The following SPAG9 variants were observed in gnomAD, a reference collection of about 807,000 sequenced individuals.
SPAG9 encodes the protein C-Jun-amino-terminal kinase-interacting protein 4.
A neutral mutation model predicts 166.5 loss-of-function variants in SPAG9; 35 were observed. The observed-to-expected ratio is 0.21, with a 90% CI of 0.16 to 0.28. SPAG9 has a LOEUF of 0.28. Among genes scored for constraint, SPAG9 ranks in the 10% least tolerant of loss-of-function variants. SPAG9 has a pLI of 1.00. For synonymous variants in SPAG9, 534 were observed against 565.5 expected (o/e 0.94, Z 0.79); for missense variants, 1,235 against 1,603.3 (o/e 0.77, Z 3.92).
Position 51,079,527 on chromosome 17 carries a change from C to G in SPAG9, c.424+57G>C, listed in dbSNP as rs2048106048. On this transcript the variant is annotated intron_variant, in intron 2 of 29. Coordinates refer to ENST00000262013, the MANE Select transcript of SPAG9 (RefSeq NM_001130528.3). Reference sequence around the variant, plus strand: ...GTGCTGGGATTACAGGCGTGAGCCACCACGTCTGGCCAAGCCCAATCTTTA... The same window carrying G: ...GTGCTGGGATTACAGGCGTGAGCCAGCACGTCTGGCCAAGCCCAATCTTTA... 3 of 1,567,322 alleles carry G rather than the reference C, an allele frequency of 1.9e-6. No individual in the cohort carries two copies. The South Asian group carries it at 3.5e-5, about 18-fold the overall frequency.
At chr17:50,982,793 CTAAGTA>C in intron 24 of SPAG9, 121 bp from the exon 25 acceptor site, 1 of 850,270 alleles carries the variant, frequency 1.2e-6, no homozygotes, top group South Asian at 2.0e-5. Flanking sequence ...GTACCATGTA[CTAAGTA>C]TATCTTTTAT....
chr17:51,049,889 C>T (rs186415928), intron 3 of SPAG9, among the ~76,000 whole-genome samples: 2 of 152,216 alleles, frequency 1.3e-5, no homozygotes, highest in East Asian at 1.9e-4. Flanking sequence ...TGAGCCACGG[C>T]GCCCAGCCGT....
At chr17:51,013,221 C>T (rs2045564377) in intron 9 of SPAG9, among the ~76,000 whole-genome samples, 1 of 152,136 alleles carries the variant, frequency 6.6e-6, no homozygotes, top group African/African-American at 2.4e-5. Context: ...CCAATAGATA[C>T]AAATTTTTTT....
Position 50,999,725 on chromosome 17 carries a change from C to A in SPAG9, c.1608-8G>T, listed in dbSNP as rs778492228. ...GGATTTTCTCGTGATGCCCTACATT[C>A]AAAAAGAAAAGAAAAGAAACATTTA... On this transcript the variant is annotated splice_polypyrimidine_tract_variant and splice_region_variant and intron_variant, in intron 13 of 29. Coordinates refer to ENST00000262013, the MANE Select transcript of SPAG9 (RefSeq NM_001130528.3). The A allele has an allele frequency of 6.2e-7, 1 of 1,610,004 alleles. No individual in the cohort carries two copies. Among genetic ancestry groups the A allele is most frequent in the Admixed American group, 1.7e-5 (1 of 59,638 alleles).
At chr17:51,096,752 C>A in intron 1 of SPAG9, among the ~76,000 whole-genome samples, 1 of 151,844 alleles carries the variant, frequency 6.6e-6, no homozygotes, top group East Asian at 1.9e-4. Flanking sequence ...ATGGACAGAT[C>A]AACAGGTAAA....
chr17:50,979,576 A>T (rs1001416584), intron 26 of SPAG9, among the ~76,000 whole-genome samples, 170 bp downstream of exon 26: 12 of 151,944 alleles, frequency 7.9e-5, no homozygotes, highest in Admixed American at 1.3e-4. Context: ...AGGTGAGAGG[A>T]TCGCTTGAGC....
intron 7 of SPAG9, 26 bp downstream of exon 7, chr17:51,021,132 G>A (rs1239433653): frequency 5.7e-6 from 9 of 1,581,732 alleles, no homozygotes; most frequent in Non-Finnish European, 7.8e-6. Flanking sequence ...TACTTTCCTA[G>A]TAAGTAAAGA....
chr17:51,061,715 A>C (rs1490514072), intron 2 of SPAG9, among the ~76,000 whole-genome samples: 2 of 151,616 alleles, frequency 1.3e-5, no homozygotes. Context: ...AATGAATATG[A>C]CCATTGTTCA....
In SPAG9 at chr17:50,977,149, C is replaced by T; in HGVS notation, c.3482G>A (p.Gly1161Glu). 6.2e-7 allele frequency: 1 copy of T among 1,613,418 alleles called. No homozygotes were observed. The highest frequency in any genetic ancestry group is 8.5e-7 in the Non-Finnish European group (1 of 1,179,612). The change falls in exon 27 of 30, where the codon GGG becomes GAG. Residue 1161 changes from glycine to glutamate, a missense_variant. Gly to Glu is a moderately conservative substitution (Grantham distance 98). Transcript: ENST00000262013. ...GGAGATAATGACACCATTTCCTGTC[C>T]CCACCCACAAACGATTACAAGACAC... ...LMVSCNRLWV[G>E]TGNGVIISIP...
At chr17:50,994,270 A>T (rs529693450) in intron 18 of SPAG9, among the ~76,000 whole-genome samples, 63 of 151,926 alleles carry the variant, frequency 4.1e-4, no homozygotes, top group African/African-American at 1.4e-3. Context: ...CTTCTTCCTC[A>T]TTTTCTCTTG....
intron 12 of SPAG9, among the ~76,000 whole-genome samples, chr17:51,002,950 C>T (rs1361937334): frequency 1.3e-5 from 2 of 149,534 alleles, no homozygotes; most frequent in East Asian, 3.9e-4. Flanking sequence ...TATGGGGTGG[C>T]GCACAACTTT....
At chr17:51,036,900 T>C (rs1598053737) in intron 5 of SPAG9, among the ~76,000 whole-genome samples, 1 of 152,168 alleles carries the variant, frequency 6.6e-6, no homozygotes, top group Non-Finnish European at 1.5e-5. Context: ...TATACCACCT[T>C]AATAATTACG....
chr17:51,100,446 A>G (rs2048777391), intron 1 of SPAG9, among the ~76,000 whole-genome samples: 1 of 152,220 alleles, frequency 6.6e-6, no homozygotes, highest in South Asian at 2.1e-4. Context: ...CTCTACAAAA[A>G]TTACAAAAAT....
intron 15 of SPAG9, among the ~76,000 whole-genome samples, chr17:50,998,051 T>TA (rs1416328347): frequency 1.2e-4 from 17 of 144,536 alleles, no homozygotes; most frequent in South Asian, 2.2e-4. Flanking sequence ...TTTTTTTTTT[T>TA]AAAGATGGAA....
In SPAG9 at chr17:51,120,662, C is replaced by T. The variant is rs373901137; in HGVS notation, c.-6G>A. On this transcript the variant is annotated 5_prime_UTR_variant, in exon 1 of 30. Coordinates refer to ENST00000262013, the MANE Select transcript of SPAG9 (RefSeq NM_001130528.3). This position sits in a 1 kb window ranked among gnomAD's most constrained non-coding sequence, Gnocchi z 4.7. ...ACACCGTCCTCCAGCTCCATGGTGGCAAGCGGACGGGCGGGCGGCCCGGGG... is the reference window on the plus strand; with the variant it reads ...ACACCGTCCTCCAGCTCCATGGTGGTAAGCGGACGGGCGGGCGGCCCGGGG... 6.1e-5 allele frequency: 96 copies of T among 1,580,408 alleles called. 1 individual carries two copies. In the South Asian group the frequency reaches 1.0e-3, roughly 16 times the overall value.
chr17:50,986,187 C>A (rs1459186069), intron 22 of SPAG9, among the ~76,000 whole-genome samples: 1 of 152,232 alleles, frequency 6.6e-6, no homozygotes, highest in Non-Finnish European at 1.5e-5. Context: ...CTGTTTTAAT[C>A]CAGCCTGCAA....
At chr17:50,990,302 A>T (rs942912240) in intron 20 of SPAG9, 148 bp downstream of exon 20, 6 of 666,342 alleles carry the variant, frequency 9.0e-6, no homozygotes, top group Non-Finnish European at 1.6e-5. Context: ...TGCTGGGATT[A>T]CAGGCGTGAG....
At chr17:51,067,731 T>G (rs953755946) in intron 2 of SPAG9, among the ~76,000 whole-genome samples, 6 of 150,962 alleles carry the variant, frequency 4.0e-5, no homozygotes, top group Non-Finnish European at 8.8e-5. Context: ...GCAAATCATG[T>G]TATCTAAAAA....
intron 5 of SPAG9, among the ~76,000 whole-genome samples, chr17:51,036,940 G>A (rs542877930): frequency 1.3e-5 from 2 of 152,280 alleles, no homozygotes; most frequent in East Asian, 3.9e-4. Flanking sequence ...ACCTGGTAGA[G>A]CAAGTTCTTA....
Sources: allele counts gnomAD v4.1 joint callset (sites outside exome capture counted in the v4.1 genomes callset), GRCh38; gene constraint gnomAD v4.1.1; non-coding constraint Gnocchi (gnomAD v3.1); transcripts MANE v1.5; gene names NCBI Gene and HGNC (gene_info 2026-07-23, HGNC 2026-07-21).